Variants in TRARG1 observed in about 807,000 individuals in gnomAD.
TRARG1 encodes the protein trafficking regulator of GLUT4 1.
Under a neutral mutation model 13.3 loss-of-function variants are expected in TRARG1, and 16 were observed. The observed-to-expected ratio is 1.20, with a 90% confidence interval of 0.81 to 1.83. The LOEUF is 1.83. Among genes scored for constraint, TRARG1 ranks in the 40% most tolerant of loss-of-function variants. The pLI is 0.00. For synonymous variants in TRARG1, 113 were observed against 106.2 expected (o/e 1.06, Z -0.39); for missense variants, 250 against 237.4 (o/e 1.05, Z -0.35).
intron 1 of TRARG1, among the ~76,000 whole-genome samples, chr17:1,282,203 C>T (rs62090195): frequency 1.5e-5 from 2 of 135,126 alleles, no homozygotes; most frequent in East Asian, 2.0e-4. Context: ...TGTACACGTG[C>T]GTATATGTAC....
Position 1,288,366 on chromosome 17 carries a change from C to CTCCCCATCCCCCACCGGGT in TRARG1, c.388-7112_388-7111insCCGGGTTCCCCATCCCCCA, listed in dbSNP as rs1555631550. On this transcript the variant is annotated intron_variant, in intron 1 of 2. Transcript: ENST00000333813. ...CCACGGGTTCCCCATCCCCCATGGGCTCCCCATCCCCCATGGGCTCCTCAT... is the reference window on the plus strand; with the variant it reads ...CCACGGGTTCCCCATCCCCCATGGGCTCCCCATCCCCCACCGGGTTCCCCATCCCCCATGGGCTCCTCAT... 2.1e-4 allele frequency among the ~76,000 whole-genome samples: 12 copies of CTCCCCATCCCCCACCGGGT among 56,898 alleles called. No homozygotes were observed. In the East Asian group the frequency reaches 6.4e-3, roughly 30 times the overall value. 37.3% of individuals were successfully genotyped at this position (56,898 alleles called of 152,430 possible).
At chr17:1,280,529 C>A in intron 1 of TRARG1, 141 bp downstream of exon 1, 1 of 942,504 alleles carries the variant, frequency 1.1e-6, no homozygotes, top group Non-Finnish European at 1.6e-6. Context: ...CTCCTTTCCT[C>A]ACTGGCCTCC....
At chr17:1,291,686 ACG>A (rs2072070476) in intron 1 of TRARG1, among the ~76,000 whole-genome samples, 1 of 151,878 alleles carries the variant, frequency 6.6e-6, no homozygotes, top group Non-Finnish European at 1.5e-5. Flanking sequence ...CACGAGATAC[ACG>A]TTCAAAGAGT....
In TRARG1 at chr17:1,300,066, C is replaced by T. The variant is rs1371293835; in HGVS notation, c.*1802C>T. 6.6e-6 allele frequency: 1 copy of T among 152,280 alleles called. No homozygotes were observed. The highest frequency in any genetic ancestry group is 2.4e-5 in the African/African-American group (1 of 41,448). 9.4% of individuals were successfully genotyped at this position (152,280 alleles called of 1,614,324 possible). A position where few individuals can be genotyped will look rare whatever the true frequency, so the allele number is the denominator to read the frequency against. On this transcript the variant is annotated 3_prime_UTR_variant, in exon 3 of 3. Transcript: ENST00000333813. ...CCTGGGGAATAAACTCCAGCCTCTCCTGCTCATACAGAAGGGACTGGTTGG... is the reference window on the plus strand; with the variant it reads ...CCTGGGGAATAAACTCCAGCCTCTCTTGCTCATACAGAAGGGACTGGTTGG...
intron 1 of TRARG1, among the ~76,000 whole-genome samples, chr17:1,281,611 G>A (rs1006209271): frequency 2.0e-5 from 3 of 152,146 alleles, no homozygotes; most frequent in Non-Finnish European, 4.4e-5. Flanking sequence ...AAGCAGGGCC[G>A]GGCAGGGGCC....
At position 1,298,501 on chromosome 17, in the gene TRARG1, C is replaced by G; in HGVS notation, c.*237C>G. The G allele has an allele frequency of 2.2e-6, 1 of 459,344 alleles. No homozygotes were observed. Among genetic ancestry groups the G allele is most frequent in the Non-Finnish European group, 3.9e-6 (1 of 259,160 alleles). The allele number at this position is 459,344 out of a possible 1,614,324, so 28.5% of individuals were successfully genotyped here. A position where few individuals can be genotyped will look rare whatever the true frequency, so the allele number is the denominator to read the frequency against. ...CAATGGGTAACGTGGTTTACTCTCCCGGACGCGTCCTGGGATCTCAACCCC... is the reference window on the plus strand; with the variant it reads ...CAATGGGTAACGTGGTTTACTCTCCGGGACGCGTCCTGGGATCTCAACCCC... On this transcript the variant is annotated 3_prime_UTR_variant, in exon 3 of 3. Transcript: ENST00000333813.
intron 1 of TRARG1, among the ~76,000 whole-genome samples, chr17:1,289,804 C>G (rs2072057555): frequency 6.6e-6 from 1 of 152,124 alleles, no homozygotes. Flanking sequence ...CAGCTACATA[C>G]TCATGGCACC....
chr17:1,295,974 G>C (rs1407479557), intron 2 of TRARG1, among the ~76,000 whole-genome samples: 3 of 152,332 alleles, frequency 2.0e-5, no homozygotes, highest in African/African-American at 7.2e-5. Flanking sequence ...CTGGTATCAA[G>C]TGGCAGGAAA....
chr17:1,280,590 C>G (rs966076185), intron 1 of TRARG1, among the ~76,000 whole-genome samples: 11 of 152,172 alleles, frequency 7.2e-5, no homozygotes, highest in Admixed American at 2.0e-4. Context: ...CTGCTCTGTT[C>G]TCTCATCTCT....
chr17:1,283,509 A>G (rs1346338091), intron 1 of TRARG1, among the ~76,000 whole-genome samples: 2 of 152,204 alleles, frequency 1.3e-5, no homozygotes, highest in Non-Finnish European at 2.9e-5. Flanking sequence ...CATCTCCAAA[A>G]GAAACCCTGT....
intron 1 of TRARG1, among the ~76,000 whole-genome samples, chr17:1,294,147 G>A (rs1040427520): frequency 3.3e-5 from 5 of 152,016 alleles, no homozygotes; most frequent in Admixed American, 3.3e-4. Context: ...TCCTGCGTGT[G>A]CCTGTTCTAG....
In TRARG1 at chr17:1,295,527, GC is replaced by G; in HGVS notation, c.427del (p.Arg143GlyfsTer26). 6.2e-7 allele frequency: 1 copy of G among 1,612,072 alleles called. No homozygotes were observed. The highest frequency in any genetic ancestry group is 1.1e-5 in the South Asian group (1 of 90,916). The part of the protein sequence containing the change: ...SSMQQGNVDG[A>X]RRLGRLARLL... ...CATGCAACAGGGCAACGTGGACGGC[GC>G]CCGGAGGCTGGGCCGCCTGGCTCGG... On this transcript the variant is annotated frameshift_variant, in exon 2 of 3. Coordinates refer to ENST00000333813, the MANE Select transcript of TRARG1 (RefSeq NM_172367.3). LOFTEE classifies it high-confidence loss of function.
At chr17:1,285,336 G>A (rs1260012631) in intron 1 of TRARG1, among the ~76,000 whole-genome samples, 2 of 151,956 alleles carry the variant, frequency 1.3e-5, no homozygotes, top group East Asian at 3.9e-4. Context: ...ACTTAAACCC[G>A]GGCGGCAGAG....
intron 2 of TRARG1, among the ~76,000 whole-genome samples, chr17:1,297,010 C>CT (rs1456460415): frequency 2.0e-5 from 3 of 152,114 alleles, no homozygotes; most frequent in African/African-American, 7.2e-5. Context: ...GGTGAGGTGA[C>CT]TTTGGGGGGT....
At chr17:1,295,734 GC>G in intron 2 of TRARG1, 111 bp downstream of exon 2, 1 of 1,376,702 alleles carries the variant, frequency 7.3e-7, no homozygotes, top group East Asian at 2.5e-5. Flanking sequence ...AAGGAGAAGG[GC>G]TGGTGGGGGC....
rs764426661 is a variant in TRARG1 at position 1,300,618 on chromosome 17, C to T, written c.*2354C>T. On this transcript the variant is annotated 3_prime_UTR_variant, in exon 3 of 3. Coordinates refer to ENST00000333813, the MANE Select transcript of TRARG1 (RefSeq NM_172367.3). ...TGAGAGTTTCCTAGGGCACCAGGGACAGAGCTCAGAGGCCCCCGAGGTGTG... is the reference window on the plus strand; with the variant it reads ...TGAGAGTTTCCTAGGGCACCAGGGATAGAGCTCAGAGGCCCCCGAGGTGTG... The T allele has an allele frequency of 4.6e-5, 7 of 152,708 alleles. No individual in the cohort carries two copies. Among genetic ancestry groups the T allele is most frequent in the Non-Finnish European group, 8.8e-5 (6 of 68,450 alleles). The allele number at this position is 152,708 out of a possible 1,614,324, so 9.5% of individuals were successfully genotyped here.
chr17:1,287,778 G>A (rs1348126642), intron 1 of TRARG1, among the ~76,000 whole-genome samples: 3 of 152,032 alleles, frequency 2.0e-5, no homozygotes, highest in African/African-American at 7.3e-5. Flanking sequence ...TCAGCCTCCC[G>A]AGCAGCCGGG....
chr17:1,288,742 C>T (rs183435132), intron 1 of TRARG1, among the ~76,000 whole-genome samples: 2 of 47,726 alleles, frequency 4.2e-5, no homozygotes, highest in Non-Finnish European at 8.3e-5. Flanking sequence ...CCATCCCCCA[C>T]GGGCTCCCCA....
intron 1 of TRARG1, among the ~76,000 whole-genome samples, chr17:1,282,757 T>TTA (rs2071992947): frequency 6.6e-6 from 1 of 152,120 alleles, no homozygotes; most frequent in South Asian, 2.1e-4. Flanking sequence ...TGGTGCGATC[T>TTA]TGGCTCACTG....
Sources: allele counts gnomAD v4.1 joint callset (sites outside exome capture counted in the v4.1 genomes callset), GRCh38; gene constraint gnomAD v4.1.1; transcripts MANE v1.5; gene names NCBI Gene and HGNC (gene_info 2026-07-23, HGNC 2026-07-21).